PARP14: variants seen among roughly 807,000 people sequenced by gnomAD.
PARP14 encodes the protein protein mono-ADP-ribosyltransferase PARP14.
A neutral mutation model predicts 154.2 loss-of-function variants in PARP14; 59 were observed. That is an observed-to-expected ratio of 0.38 (90% CI 0.31 to 0.48). The LOEUF (loss-of-function observed/expected upper bound fraction) is 0.48, where lower values mean the gene tolerates loss of function less well. Among genes scored for constraint, PARP14 ranks in the 20% least tolerant of loss-of-function variants. The probability of loss-of-function intolerance (pLI) is 0.98; values close to 1 mark genes in which losing one functional copy is unlikely to be tolerated. For synonymous variants in PARP14, 720 were observed against 780.5 expected, an observed-to-expected ratio of 0.92 and a Z score of 1.29; for missense variants, 1,734 against 2,131.6, an observed-to-expected ratio of 0.81 and a Z score of 3.67.
At chr3:122,715,578 T>C (rs1932972488) in intron 12 of PARP14, among the ~76,000 whole-genome samples, 1 of 151,822 alleles carries the variant, frequency 6.6e-6, no homozygotes. Flanking sequence ...ACATTTCTCC[T>C]ATCTCTCTCT....
chr3:122,694,194 G>A (rs1206720214), intron 4 of PARP14, among the ~76,000 whole-genome samples: 1 of 152,182 alleles, frequency 6.6e-6, no homozygotes, highest in Non-Finnish European at 1.5e-5. Flanking sequence ...GGAAATGGGA[G>A]GAAAGGGACC....
chr3:122,686,908 C>A, intron 2 of PARP14, 172 bp from the exon 3 acceptor site: 1 of 517,788 alleles, frequency 1.9e-6, no homozygotes. Context: ...TTGTGACTTG[C>A]AAGTGAATAT....
At chr3:122,703,276 C>A (rs928328051) in intron 6 of PARP14, among the ~76,000 whole-genome samples, 16 of 152,170 alleles carry the variant, frequency 1.1e-4, no homozygotes, top group African/African-American at 3.1e-4. Flanking sequence ...TGTCTTGGCA[C>A]TCGAGGTGGG....
In PARP14 at chr3:122,700,771, T is replaced by C. The variant is rs751917233; in HGVS notation, c.2217T>C (p.Cys739=). 3 of 1,613,548 alleles carry C rather than the reference T, an allele frequency of 1.9e-6. No individual in the cohort carries two copies. The change falls in exon 6 of 17, where the codon TGT becomes TGC. Residue 739 remains cysteine, a synonymous_variant. Transcript: ENST00000474629. ...TCAAGCAAGTCTGGGATTCAGTCTGTGTTAAAAGTGTCCATACTGATAAGC... is the reference window on the plus strand; with the variant it reads ...TCAAGCAAGTCTGGGATTCAGTCTGCGTTAAAAGTGTCCATACTGATAAGC... ...DIVKQVWDSV[C]VKSVHTDKPG...
At position 122,695,553 on chromosome 3, in the gene PARP14, C is replaced by T. The variant is rs964198176; in HGVS notation, c.726C>T (p.Tyr242=). Residue 242 remains tyrosine, a synonymous_variant, in exon 5 of 17, where the codon TAC becomes TAT. Coordinates refer to ENST00000474629, the MANE Select transcript of PARP14 (RefSeq NM_017554.3). ...VENLPPGADD[Y]SLKLFFENPY... is the part of the protein sequence containing the mutation. ...ACCTGCCACCTGGTGCTGATGACTA[C>T]AGTTTAAAACTTTTCTTTGAAAATC... The T allele has an allele frequency of 1.4e-5, 22 of 1,607,892 alleles. No individual in the cohort carries two copies. The highest frequency in any genetic ancestry group is 1.9e-5 in the Non-Finnish European group (22 of 1,175,060).
Position 122,720,319 on chromosome 3 carries a change from T to C in PARP14, c.4872T>C (p.Pro1624=), listed in dbSNP as rs970327685. The C allele has an allele frequency of 1.2e-6, 2 of 1,612,864 alleles. No individual in the cohort carries two copies. Among genetic ancestry groups the C allele is most frequent in the African/African-American group, 1.3e-5 (1 of 74,914 alleles). The change falls in exon 15 of 17, where the codon CCT becomes CCC. Residue 1624 remains proline, a synonymous_variant. Coordinates refer to ENST00000474629, the MANE Select transcript of PARP14 (RefSeq NM_017554.3). ...ATTTCTGTGTGGTGGAGCTGCTGCC[T>C]AGTGATCCTGAGTACAACACGGTGG... ...QQNFCVVELL[P]SDPEYNTVAS...
chr3:122,703,610 A>T (rs559999519), intron 6 of PARP14, 132 bp from the exon 7 acceptor site: 1 of 608,134 alleles, frequency 1.6e-6, no homozygotes, highest in South Asian at 2.1e-5. Context: ...TCTTATGTTG[A>T]TATTTCAATC....
chr3:122,728,199 C>T lies in PARP14; in HGVS notation c.5117-109C>T, dbSNP rs78052335. The T allele has an allele frequency of 8.2e-5, 90 of 1,102,930 alleles. No homozygotes were observed. In the African/African-American group the frequency reaches 1.3e-3, roughly 16 times the overall value. The allele number at this position is 1,102,930 out of a possible 1,614,324, so 68.3% of individuals were successfully genotyped here. A position where few individuals can be genotyped will look rare whatever the true frequency, so the allele number is the denominator to read the frequency against. ...GATGATTAAAAGTGAAAAGCACACACAAAAAATTTTAAGAGAGGCTTTAGA... is the reference window on the plus strand; with the variant it reads ...GATGATTAAAAGTGAAAAGCACACATAAAAAATTTTAAGAGAGGCTTTAGA... On this transcript the variant is annotated intron_variant, in intron 16 of 16. Coordinates refer to ENST00000474629, the MANE Select transcript of PARP14 (RefSeq NM_017554.3).
At chr3:122,708,344 G>A (rs1576593869) in intron 9 of PARP14, 76 bp downstream of exon 9, 2 of 746,758 alleles carry the variant, frequency 2.7e-6, no homozygotes, top group East Asian at 2.7e-5. Context: ...AAAGACAGTA[G>A]TGATAATTTT....
intron 8 of PARP14, among the ~76,000 whole-genome samples, chr3:122,707,379 T>TTAAA (rs1270436063): frequency 5.3e-5 from 2 of 37,650 alleles, no homozygotes; most frequent in Non-Finnish European, 1.3e-4. Flanking sequence ...AGACTCCATC[T>TTAAA]CAAATAAATA....
At chr3:122,683,201 G>A (rs1222338633) in intron 1 of PARP14, 1 of 547,992 alleles carries the variant, frequency 1.8e-6, no homozygotes, top group Non-Finnish European at 2.3e-6. Flanking sequence ...ACAAGGGTCA[G>A]GAATTTGCTA....
chr3:122,729,172 C>T lies in PARP14; in HGVS notation c.*575C>T, dbSNP rs1933359252. 6.5e-6 allele frequency: 1 copy of T among 153,044 alleles called. No homozygotes were observed. Among genetic ancestry groups the T allele is most frequent in the Non-Finnish European group, 1.5e-5 (1 of 68,672 alleles). The allele number at this position is 153,044 out of a possible 1,614,324, so 9.5% of individuals were successfully genotyped here. A position where few individuals can be genotyped will look rare whatever the true frequency, so the allele number is the denominator to read the frequency against. ...CTCCCATCCAAAGTAGGAACTATCTCTTTAACATTCTTGACTCACTATCAC... is the reference window on the plus strand; with the variant it reads ...CTCCCATCCAAAGTAGGAACTATCTTTTTAACATTCTTGACTCACTATCAC... On this transcript the variant is annotated 3_prime_UTR_variant, in exon 17 of 17. Coordinates refer to ENST00000474629, the MANE Select transcript of PARP14 (RefSeq NM_017554.3).
intron 11 of PARP14, 98 bp from the exon 12 acceptor site, chr3:122,714,164 C>CAT: frequency 1.1e-6 from 1 of 922,174 alleles, no homozygotes. Flanking sequence ...TTTTTTTTTT[C>CAT]ACAAAATGCT....
intron 15 of PARP14, among the ~76,000 whole-genome samples, chr3:122,725,182 T>A (rs1933257864): frequency 6.6e-6 from 1 of 152,214 alleles, no homozygotes; most frequent in African/African-American, 2.4e-5. Context: ...TGGGTACACC[T>A]CCCAGACGGG....
intron 6 of PARP14, among the ~76,000 whole-genome samples, chr3:122,703,013 AAAAAAAAAAACAAAAAAC>A (rs1560065714): frequency 0.057 from 6,222 of 109,588 alleles, 204 homozygotes; most frequent in Non-Finnish European, 0.086. Flanking sequence ...AAAAAAAACA[AAAAAAAAAAACAAAAAAC>A]AAAAAACAGT....
At chr3:122,727,340 A>G (rs1188802290) in intron 15 of PARP14, among the ~76,000 whole-genome samples, 1 of 152,242 alleles carries the variant, frequency 6.6e-6, no homozygotes, top group Non-Finnish European at 1.5e-5. Flanking sequence ...CAACTGGACC[A>G]GAGATTAATT....
chr3:122,699,548 A>G lies in PARP14; in HGVS notation c.994A>G (p.Lys332Glu), dbSNP rs1270897570. 1.9e-6 allele frequency: 3 copies of G among 1,613,920 alleles called. No homozygotes were observed. The highest frequency in any genetic ancestry group is 1.7e-6 in the Non-Finnish European group (2 of 1,179,896). The change falls in exon 6 of 17, where the codon AAG becomes GAG. Residue 332 changes from lysine (K) to glutamate (E), a missense_variant. Physicochemically the swap from Lys to Glu is moderately conservative, Grantham distance 56. This residue lies in a region of PARP14 where 1,646 missense variants were observed against 1,976.0 expected (regional missense o/e 0.83). Transcript: ENST00000474629. ...AGAGTCACTAGATCTTCCCTTATGG[A>G]AGTTCTTACAGAAAAAGAATCACCT... ...FEESLDLPLW[K>E]FLQKKNHLIE...
chr3:122,717,044 G>A (rs1255882891), intron 12 of PARP14, among the ~76,000 whole-genome samples: 1 of 152,192 alleles, frequency 6.6e-6, no homozygotes, highest in Non-Finnish European at 1.5e-5. Context: ...GAAAATTACA[G>A]CTTTGCAAAA....
rs869132094 is a variant in PARP14, at chr3:122,724,645, A to AT, written c.4942-3150dup. On this transcript the variant is annotated intron_variant, in intron 15 of 16. Transcript: ENST00000474629. Reference sequence around the variant, plus strand: ...ATTAAAATTTAATGTTGAAAAAAAAATTTTTTTTTTTTTTTTTAGTATTTA... The same window carrying AT: ...ATTAAAATTTAATGTTGAAAAAAAAATTTTTTTTTTTTTTTTTTAGTATTTA... 1.2e-3 allele frequency among the ~76,000 whole-genome samples: 169 copies of AT among 138,964 alleles called. 1 individual carries two copies. The highest frequency in any genetic ancestry group is 3.8e-3 in the Middle Eastern group (1 of 262). The allele number at this position is 138,964 out of a possible 152,430, so 91.2% of individuals were successfully genotyped here.
Sources: allele counts gnomAD v4.1 joint callset (sites outside exome capture counted in the v4.1 genomes callset), GRCh38; gene constraint gnomAD v4.1.1; regional missense constraint gnomAD v4.1.1; transcripts MANE v1.5; gene names NCBI Gene and HGNC (gene_info 2026-07-23, HGNC 2026-07-21).